PXK: variants seen among roughly 807,000 people sequenced by gnomAD.
PXK encodes the protein PX domain containing serine/threonine kinase like, also known as PX domain-containing protein kinase-like protein.
PXK carries 35 observed loss-of-function variants against 84.7 expected under a neutral mutation model. That is an observed-to-expected ratio of 0.41 (90% CI 0.32 to 0.55). PXK has a LOEUF of 0.55. PXK is among the 20% of genes least tolerant of loss of function. The probability of loss-of-function intolerance (pLI) is 0.21; values close to 1 mark genes in which losing one functional copy is unlikely to be tolerated. For missense variants in PXK, 634 were observed against 699.7 expected (o/e 0.91, Z 1.06); for synonymous variants, 253 against 260.8 (o/e 0.97, Z 0.29).
rs1165656667 is a variant in PXK at position 58,391,837 on chromosome 3, C to T, written c.605C>T (p.Pro202Leu). Residue 202 changes from proline to leucine, a missense_variant, in exon 7 of 18, where the codon CCT becomes CTT. By Grantham distance (98) the Pro-to-Leu change is moderately conservative (BLOSUM62 -3). Around this residue, in one of 3 missense-constraint regions of PXK, gnomAD observed 353 missense variants for 385.2 expected, o/e 0.92. Coordinates refer to ENST00000356151, the MANE Select transcript of PXK (RefSeq NM_017771.5). The stretch of plus-strand genomic sequence containing the variant: ...TTTCAGTGTCTAATCAAACTTCTGC[C>T]TTCTTGTTTGGTGAGTATACGTCTT... ...KDFQCLIKLLPSCLHPYIYRV... is the reference protein window; with the variant it reads ...KDFQCLIKLLLSCLHPYIYRV... 2 of 1,610,968 alleles carry T rather than the reference C, an allele frequency of 1.2e-6. No individual in the cohort carries two copies. Among genetic ancestry groups the T allele is most frequent in the South Asian group, 1.1e-5 (1 of 91,006 alleles).
chr3:58,382,821 C>T, intron 4 of PXK, 121 bp downstream of exon 4: 1 of 690,616 alleles, frequency 1.4e-6, no homozygotes, highest in South Asian at 4.4e-5. Flanking sequence ...TTTGTTATAG[C>T]ATATTATGAA....
chr3:58,356,666 C>T (rs529572714), intron 1 of PXK, among the ~76,000 whole-genome samples: 1 of 151,430 alleles, frequency 6.6e-6, no homozygotes, highest in East Asian at 2.0e-4. Context: ...TGCAGTGGTG[C>T]AATCTCGGCT....
chr3:58,390,708 G>A lies in PXK; in HGVS notation c.466+49G>A. The A allele has an allele frequency of 1.3e-6, 2 of 1,534,422 alleles. No homozygotes were observed. The highest frequency in any genetic ancestry group is 2.3e-5 in the South Asian group (2 of 85,504). The stretch of plus-strand genomic sequence containing the variant: ...TGTTAAAAAGACAGATCACAGAACT[G>A]GATCCTTAGTCATGCTTTCTGATAC... On this transcript the variant is annotated intron_variant, in intron 5 of 17. Coordinates refer to ENST00000356151, the MANE Select transcript of PXK (RefSeq NM_017771.5). The surrounding 1 kb of genome is among the most constrained non-coding windows in gnomAD (Gnocchi z 4.2).
At position 58,414,324 on chromosome 3, in the gene PXK, A is replaced by AG. The variant is rs1203828624; in HGVS notation, c.1528+1364dup. Reference sequence around the variant, plus strand: ...GCAAGGCACTTGAGGCGTCTGTTTAAGGGTTCACAGCCCCTGTCTGTGTGG... The same window carrying AG: ...GCAAGGCACTTGAGGCGTCTGTTTAAGGGGTTCACAGCCCCTGTCTGTGTGG... On this transcript the variant is annotated intron_variant, in intron 17 of 17. Transcript: ENST00000356151. This position sits in a 1 kb window ranked among gnomAD's most constrained non-coding sequence, Gnocchi z 4.5. 6.6e-6 allele frequency: 1 copy of AG among 152,228 alleles called. No individual in the cohort carries two copies. Among genetic ancestry groups the AG allele is most frequent in the Non-Finnish European group, 1.5e-5 (1 of 68,040 alleles). 9.4% of individuals were successfully genotyped at this position (152,228 alleles called of 1,614,324 possible). A position where few individuals can be genotyped will look rare whatever the true frequency, so the allele number is the denominator to read the frequency against.
chr3:58,349,287 G>T (rs2097877456), intron 1 of PXK, among the ~76,000 whole-genome samples: 1 of 151,340 alleles, frequency 6.6e-6, no homozygotes, highest in South Asian at 2.1e-4. Flanking sequence ...AGAGATCCAT[G>T]TTATATTAAG....
intron 7 of PXK, among the ~76,000 whole-genome samples, chr3:58,393,746 T>C (rs918410956): frequency 6.6e-6 from 1 of 152,236 alleles, no homozygotes; most frequent in Non-Finnish European, 1.5e-5. Flanking sequence ...TGTAAGGAGA[T>C]ATTGTGACAC....
At chr3:58,380,855 T>G (rs1044923128) in intron 3 of PXK, among the ~76,000 whole-genome samples, 3 of 151,986 alleles carry the variant, frequency 2.0e-5, no homozygotes, top group African/African-American at 7.3e-5. Flanking sequence ...AACTTAAAAT[T>G]CCACATCAAC....
intron 1 of PXK, among the ~76,000 whole-genome samples, chr3:58,353,097 C>A (rs888167636): frequency 1.3e-5 from 2 of 151,934 alleles, no homozygotes; most frequent in Non-Finnish European, 2.9e-5. Context: ...CCCGGATTCA[C>A]GCCGTTCTCC....
At chr3:58,366,392 T>G (rs554146552) in intron 2 of PXK, among the ~76,000 whole-genome samples, 1 of 152,158 alleles carries the variant, frequency 6.6e-6, no homozygotes, top group Non-Finnish European at 1.5e-5. Flanking sequence ...GAGGGTCTTC[T>G]TGGGGCCCCA....
chr3:58,379,666 G>A lies in PXK; in HGVS notation c.202-2848G>A, dbSNP rs1230302443. ...TTGTCTTCTCAGAGAGATAAGAAAT[G>A]GTATTACATTCAAGGTGCTATTAAG... On this transcript the variant is annotated intron_variant, in intron 3 of 17. Coordinates refer to ENST00000356151, the MANE Select transcript of PXK (RefSeq NM_017771.5). The surrounding 1 kb of genome is among the most constrained non-coding windows in gnomAD (Gnocchi z 5.1). 1.3e-5 allele frequency: 2 copies of A among 151,948 alleles called. No homozygotes were observed. Among genetic ancestry groups the A allele is most frequent in the African/African-American group, 2.4e-5 (1 of 41,358 alleles). The allele number at this position is 151,948 out of a possible 1,614,324, so 9.4% of individuals were successfully genotyped here.
intron 1 of PXK, among the ~76,000 whole-genome samples, chr3:58,341,691 ATTTTCTTTTC>A (rs199544010): frequency 2.0e-5 from 3 of 147,498 alleles, no homozygotes; most frequent in South Asian, 4.2e-4. Flanking sequence ...ATCTTAGAAC[ATTTTCTTTTC>A]TTTTCTTTTC....
intron 7 of PXK, among the ~76,000 whole-genome samples, chr3:58,393,057 T>C (rs62258102): frequency 0.29 from 44,649 of 151,690 alleles, 7,339 homozygotes; most frequent in Middle Eastern, 0.39. Context: ...TAAGCAAAAA[T>C]AAGAAAATAA....
intron 3 of PXK, among the ~76,000 whole-genome samples, chr3:58,376,749 T>G (rs1296351364): frequency 1.3e-5 from 2 of 152,046 alleles, no homozygotes; most frequent in Admixed American, 1.3e-4. Flanking sequence ...AAGCGATTCT[T>G]GTGCCTCAGC....
Position 58,390,895 on chromosome 3 carries a change from A to G in PXK, c.466+236A>G, listed in dbSNP as rs987685200. Among the ~76,000 whole-genome samples the G allele has an allele frequency of 2.0e-5, 3 of 152,184 alleles. No homozygotes were observed. The highest frequency in any genetic ancestry group is 2.9e-5 in the Non-Finnish European group (2 of 68,036). ...CTTTCAGAAACACCATTCCTTCTTC[A>G]TCTATCTTTTTCACTACATCTAAAC... On this transcript the variant is annotated intron_variant, in intron 5 of 17. Coordinates refer to ENST00000356151, the MANE Select transcript of PXK (RefSeq NM_017771.5). This position sits in a 1 kb window ranked among gnomAD's most constrained non-coding sequence, Gnocchi z 4.2.
At position 58,370,322 on chromosome 3, in the gene PXK, A is replaced by C. The variant is rs1224527709; in HGVS notation, c.201+844A>C. 6.6e-6 allele frequency among the ~76,000 whole-genome samples: 1 copy of C among 152,198 alleles called. No homozygotes were observed. The highest frequency in any genetic ancestry group is 2.4e-5 in the African/African-American group (1 of 41,462). On this transcript the variant is annotated intron_variant, in intron 3 of 17. Transcript: ENST00000356151. This position sits in a 1 kb window ranked among gnomAD's most constrained non-coding sequence, Gnocchi z 4.2. Reference sequence around the variant, plus strand: ...CTGGAAGGTCTTCATCTAGAAACACAGCCAGTGTTGGTAATGGTTAAAGGG... The same window carrying C: ...CTGGAAGGTCTTCATCTAGAAACACCGCCAGTGTTGGTAATGGTTAAAGGG...
At chr3:58,366,953 T>A (rs1452815816) in intron 2 of PXK, among the ~76,000 whole-genome samples, 1 of 152,204 alleles carries the variant, frequency 6.6e-6, no homozygotes, top group East Asian at 1.9e-4. Context: ...GATGACCTTA[T>A]ATTTAACTTT....
chr3:58,416,059 A>C lies in PXK; in HGVS notation c.1528+3096A>C, dbSNP rs946200603. ...CCAAGCCTCTCAAGAAGAAACTTAG[A>C]ACAAAGGACGGTGGGATTGATAATA... On this transcript the variant is annotated intron_variant, in intron 17 of 17. Transcript: ENST00000356151. The surrounding 1 kb of genome is among the most constrained non-coding windows in gnomAD (Gnocchi z 4.8). 2.0e-5 allele frequency among the ~76,000 whole-genome samples: 3 copies of C among 152,164 alleles called. No individual in the cohort carries two copies. The highest frequency in any genetic ancestry group is 7.2e-5 in the African/African-American group (3 of 41,432).
At chr3:58,391,654 G>A (rs1311032629) in intron 6 of PXK, 119 bp from the exon 7 acceptor site, 6 of 896,896 alleles carry the variant, frequency 6.7e-6, no homozygotes, top group African/African-American at 1.7e-5. Context: ...GCCAGACTTA[G>A]TGTTGTTTTC....
Position 58,336,061 on chromosome 3 carries a change from ATATATATATATTT to A in PXK, c.102+2973_102+2985del, listed in dbSNP as rs1489014462. 5.5e-3 allele frequency among the ~76,000 whole-genome samples: 318 copies of A among 57,822 alleles called. 1 individual carries two copies. Among genetic ancestry groups the A allele is most frequent in the African/African-American group, 0.032 (294 of 9,282 alleles). 37.9% of individuals were successfully genotyped at this position (57,822 alleles called of 152,430 possible). On this transcript the variant is annotated intron_variant, in intron 1 of 17. Transcript: ENST00000356151. ...AACATATATATATATATATATATAT[ATATATATATATTT>A]TTTTTTTTTTTTTTTAATACCAATG...
Sources: gnomAD v4.1 joint callset for allele counts (sites outside exome capture counted in the v4.1 genomes callset) on GRCh38, gnomAD v4.1.1 for gene constraint, gnomAD v4.1.1 regional missense constraint, Gnocchi (gnomAD v3.1) non-coding constraint, MANE v1.5 for transcripts, NCBI Gene and HGNC (gene_info 2026-07-23, HGNC 2026-07-21) for gene names.